The following INSYN2B variants were observed in gnomAD, a reference collection of about 807,000 sequenced individuals.
INSYN2B encodes the protein protein INSYN2B.
INSYN2B carries 16 observed loss-of-function variants against 41.2 expected under a neutral mutation model. The ratio of observed to expected loss-of-function variants is 0.39; its 90% CI spans 0.26 to 0.59. The LOEUF is 0.59. INSYN2B is among the 20% of genes least tolerant of loss of function. The pLI is 0.57. For synonymous variants in INSYN2B, 245 were observed against 244.4 expected, an observed-to-expected ratio of 1.00 and a Z score of -0.02; for missense variants, 608 against 646.4, an observed-to-expected ratio of 0.94 and a Z score of 0.64.
At chr5:169,978,294 G>A (rs1777791326) in intron 1 of INSYN2B, among the ~76,000 whole-genome samples, 1 of 133,264 alleles carries the variant, frequency 7.5e-6, no homozygotes, top group Non-Finnish European at 1.5e-5. Context: ...CCCCTATTTT[G>A]TTTGTTTGTT....
rs1043365557 is a variant in INSYN2B, at chr5:169,944,174, C to T, written c.-919+36103G>A. ...ATTGAGGCTCAGGGGCGTGAGCTGC[C>T]ACACCAAAGGCCCTGCCTTTGAGTG... On this transcript the variant is annotated intron_variant, in intron 1 of 3. Coordinates refer to ENST00000377365, the MANE Select transcript of INSYN2B (RefSeq NM_001129891.3). Among the ~76,000 whole-genome samples the T allele has an allele frequency of 6.6e-5, 10 of 152,250 alleles. 1 individual carries two copies. The highest frequency in any genetic ancestry group is 2.2e-4 in the African/African-American group (9 of 41,562).
At chr5:169,892,568 G>T (rs558791362) in intron 1 of INSYN2B, among the ~76,000 whole-genome samples, 6 of 152,260 alleles carry the variant, frequency 3.9e-5, no homozygotes, top group South Asian at 4.2e-4. Flanking sequence ...GATCCCAGAG[G>T]CCTCTCCGAT....
rs577469482 is a variant in INSYN2B, at chr5:169,972,624, A to G, written c.-919+7653T>C. Among the ~76,000 whole-genome samples, 14 of 129,814 alleles carry G rather than the reference A, an allele frequency of 1.1e-4. No individual in the cohort carries two copies. The South Asian group carries it at 3.1e-3, about 29-fold the overall frequency. The allele number at this position is 129,814 out of a possible 152,430, so 85.2% of individuals were successfully genotyped here. A position where few individuals can be genotyped will look rare whatever the true frequency, so the allele number is the denominator to read the frequency against. On this transcript the variant is annotated intron_variant, in intron 1 of 3. Transcript: ENST00000377365. The stretch of plus-strand genomic sequence containing the variant: ...GATAGATAGATAGATAGATAGATAG[A>G]TAGATGATAGGTGGATAAAATCTCC...
chr5:169,867,435 G>A (rs261026), intron 3 of INSYN2B, among the ~76,000 whole-genome samples: 50,972 of 118,512 alleles, frequency 0.43, 12,229 homozygotes, highest in African/African-American at 0.72. Context: ...CTGTCTGTCT[G>A]TCTATCTATC....
rs1776782179 is a variant in INSYN2B, at chr5:169,954,347, T to A, written c.-919+25930A>T. Among the ~76,000 whole-genome samples the A allele has an allele frequency of 2.6e-5, 4 of 152,378 alleles. No individual in the cohort carries two copies. In the South Asian group the frequency reaches 8.3e-4, roughly 32 times the overall value. On this transcript the variant is annotated intron_variant, in intron 1 of 3. Coordinates refer to ENST00000377365, the MANE Select transcript of INSYN2B (RefSeq NM_001129891.3). ...ACATCAAACTTAACAATTAATGATG[T>A]TTATATAACATTCCATTATGTAGAC...
At chr5:169,879,244 T>C (rs1772499910) in intron 3 of INSYN2B, among the ~76,000 whole-genome samples, 1 of 152,172 alleles carries the variant, frequency 6.6e-6, no homozygotes, top group Non-Finnish European at 1.5e-5. Context: ...GCATCCATCA[T>C]CGGGGAGAGA....
Position 169,864,472 on chromosome 5 carries a change from G to C in INSYN2B, c.1422-13C>G, listed in dbSNP as rs1278986299. The C allele has an allele frequency of 6.6e-7, 1 of 1,510,218 alleles. No individual in the cohort carries two copies. Among genetic ancestry groups the C allele is most frequent in the Non-Finnish European group, 8.9e-7 (1 of 1,127,726 alleles). 93.6% of individuals were successfully genotyped at this position (1,510,218 alleles called of 1,614,324 possible). A position where few individuals can be genotyped will look rare whatever the true frequency, so the allele number is the denominator to read the frequency against. ...ATCATACTCTACACTGAAAAACACA[G>C]AGAGGAAGGAAGGAAAGTGAATTCG... On this transcript the variant is annotated splice_polypyrimidine_tract_variant and intron_variant, in intron 3 of 3. Coordinates refer to ENST00000377365, the MANE Select transcript of INSYN2B (RefSeq NM_001129891.3).
intron 1 of INSYN2B, among the ~76,000 whole-genome samples, chr5:169,900,152 A>G (rs1773841981): frequency 6.6e-6 from 1 of 152,196 alleles, no homozygotes; most frequent in Admixed American, 6.5e-5. Context: ...TCTCAGATCT[A>G]AAGGAGGAGA....
In INSYN2B at chr5:169,946,933, G is replaced by A. The variant is rs983252933; in HGVS notation, c.-919+33344C>T. 2.6e-5 allele frequency among the ~76,000 whole-genome samples: 4 copies of A among 152,322 alleles called. No individual in the cohort carries two copies. In the East Asian group the frequency reaches 7.7e-4, roughly 29 times the overall value. Reference sequence around the variant, plus strand: ...AGGCAGAGGGAAGAGCGTGGGCAAGGCCCTGAGTCAGGATGGAGTTTTGCC... The same window carrying A: ...AGGCAGAGGGAAGAGCGTGGGCAAGACCCTGAGTCAGGATGGAGTTTTGCC... On this transcript the variant is annotated intron_variant, in intron 1 of 3. Transcript: ENST00000377365.
At chr5:169,924,470 G>C (rs1384208037) in intron 1 of INSYN2B, among the ~76,000 whole-genome samples, 2 of 152,102 alleles carry the variant, frequency 1.3e-5, no homozygotes, top group Non-Finnish European at 2.9e-5. Flanking sequence ...CAGTAGAAAG[G>C]ACTTTTCTCA....
chr5:169,889,953 G>A (rs1223725368), intron 1 of INSYN2B, among the ~76,000 whole-genome samples: 2 of 152,200 alleles, frequency 1.3e-5, no homozygotes, highest in Non-Finnish European at 2.9e-5. Context: ...TCTGAACTTA[G>A]TAATAATAAC....
intron 3 of INSYN2B, chr5:169,875,305 C>T: frequency 2.2e-6 from 1 of 456,708 alleles, no homozygotes; most frequent in Non-Finnish European, 4.4e-6. Flanking sequence ...AACCCAGCAA[C>T]AAGTTTCCAT....
intron 1 of INSYN2B, among the ~76,000 whole-genome samples, chr5:169,903,051 T>C (rs1043092863): frequency 2.0e-5 from 3 of 150,640 alleles, no homozygotes; most frequent in African/African-American, 4.9e-5. Context: ...TGAGCTGAGA[T>C]CACGCCACTG....
intron 1 of INSYN2B, among the ~76,000 whole-genome samples, chr5:169,910,763 T>G (rs146517227): frequency 0.015 from 2,245 of 152,302 alleles, 55 homozygotes; most frequent in African/African-American, 0.051. Flanking sequence ...GACTAAACTT[T>G]TTAGGTCACA....
rs1386107472 is a variant in INSYN2B at position 169,864,033 on chromosome 5, G to C, written c.*240C>G. On this transcript the variant is annotated 3_prime_UTR_variant, in exon 4 of 4. Transcript: ENST00000377365. ...TCTGGCTGAGTGTGACAGGGAACTTGGCAAGCGGTCACTCTAGTGTCCGTG... is the reference window on the plus strand; with the variant it reads ...TCTGGCTGAGTGTGACAGGGAACTTCGCAAGCGGTCACTCTAGTGTCCGTG... Among the ~76,000 whole-genome samples, 1 of 152,180 alleles carries C rather than the reference G, an allele frequency of 6.6e-6. No individual in the cohort carries two copies. The highest frequency in any genetic ancestry group is 2.4e-5 in the African/African-American group (1 of 41,442).
intron 1 of INSYN2B, among the ~76,000 whole-genome samples, chr5:169,958,564 G>T (rs190561645): frequency 3.5e-5 from 5 of 142,574 alleles, no homozygotes; most frequent in African/African-American, 1.4e-4. Flanking sequence ...GACAAAAGGG[G>T]TGCTTTCTTT....
chr5:169,962,479 G>A (rs1777131626), intron 1 of INSYN2B, among the ~76,000 whole-genome samples: 1 of 152,126 alleles, frequency 6.6e-6, no homozygotes, highest in Admixed American at 6.5e-5. Context: ...TGAAGATGAA[G>A]AATTCCAACT....
At chr5:169,927,007 T>C (rs528434952) in intron 1 of INSYN2B, among the ~76,000 whole-genome samples, 400 of 152,286 alleles carry the variant, frequency 2.6e-3, no homozygotes, top group African/African-American at 9.3e-3. Context: ...TCTCTGACAT[T>C]TGTGTTAAGA....
At position 169,971,643 on chromosome 5, in the gene INSYN2B, A is replaced by G. The variant is rs1466305546; in HGVS notation, c.-919+8634T>C. Among the ~76,000 whole-genome samples the G allele has an allele frequency of 3.3e-5, 5 of 151,806 alleles. No homozygotes were observed. The East Asian group carries it at 9.6e-4, about 29-fold the overall frequency. The stretch of plus-strand genomic sequence containing the variant: ...TTTTGCTGTTAACAGATGAAATAGT[A>G]CTCCCTTTATAGAAATGAAGAGCAA... On this transcript the variant is annotated intron_variant, in intron 1 of 3. Transcript: ENST00000377365.
Sources: gnomAD v4.1 joint callset for allele counts (sites outside exome capture counted in the v4.1 genomes callset) on GRCh38, gnomAD v4.1.1 for gene constraint, MANE v1.5 for transcripts, NCBI Gene and HGNC (gene_info 2026-07-23, HGNC 2026-07-21) for gene names.